Variants in NRG3 observed in about 807,000 individuals in gnomAD.
The protein encoded by NRG3 is neuregulin 3, also known as pro-neuregulin-3, membrane-bound isoform.
Under a neutral mutation model 66.9 loss-of-function variants are expected in NRG3, and 31 were observed. That is an observed-to-expected ratio of 0.46 (90% confidence interval 0.35 to 0.63). The LOEUF is 0.63. NRG3 is among the 20% of genes least tolerant of loss of function. The pLI is 0.00. For missense variants in NRG3, 910 were observed against 878.9 expected, an observed-to-expected ratio of 1.04 and a Z score of -0.45; for synonymous variants, 393 against 359.4, an observed-to-expected ratio of 1.09 and a Z score of -1.06.
chr10:82,056,328 G>C (rs1439254358), intron 1 of NRG3, among the ~76,000 whole-genome samples: 1 of 151,902 alleles, frequency 6.6e-6, no homozygotes, highest in East Asian at 1.9e-4. Flanking sequence ...AAGGATTAGT[G>C]TATTTGAAAA....
At chr10:82,721,505 C>A (rs1337604724) in intron 2 of NRG3, among the ~76,000 whole-genome samples, 4 of 151,898 alleles carry the variant, frequency 2.6e-5, no homozygotes, top group Non-Finnish European at 5.9e-5. Flanking sequence ...TCACTGCAAC[C>A]TCCACCTCCC....
chr10:82,019,939 T>C (rs867180506), intron 1 of NRG3, among the ~76,000 whole-genome samples: 6 of 152,100 alleles, frequency 3.9e-5, no homozygotes, highest in Non-Finnish European at 8.8e-5. Flanking sequence ...CCATTTCCTT[T>C]AGTTCTGCTC....
chr10:82,861,148 C>CTGTG (rs149845022), intron 3 of NRG3, among the ~76,000 whole-genome samples: 14 of 149,402 alleles, frequency 9.4e-5, no homozygotes, highest in African/African-American at 3.2e-4. Flanking sequence ...GTGTGTGTGT[C>CTGTG]TGTGTGTGTG....
chr10:82,558,880 A>AT (rs1393239528), intron 2 of NRG3, among the ~76,000 whole-genome samples: 3 of 151,934 alleles, frequency 2.0e-5, no homozygotes, highest in Non-Finnish European at 4.4e-5. Flanking sequence ...TGTTTTTGTT[A>AT]TTTTCTACAA....
At chr10:82,485,796 C>A (rs1842633090) in intron 2 of NRG3, among the ~76,000 whole-genome samples, 1 of 150,972 alleles carries the variant, frequency 6.6e-6, no homozygotes, top group African/African-American at 2.4e-5. Context: ...GCAGCAAAAG[C>A]AAAAAAAAAT....
At chr10:82,677,645 T>G (rs925680664) in intron 2 of NRG3, among the ~76,000 whole-genome samples, 1 of 152,298 alleles carries the variant, frequency 6.6e-6, no homozygotes, top group East Asian at 1.9e-4. Flanking sequence ...ATTGTATGCA[T>G]CTGCAATACT....
chr10:82,973,991 G>A (rs1852012664), intron 7 of NRG3, 76 bp downstream of exon 7: 16 of 1,544,364 alleles, frequency 1.0e-5, no homozygotes, highest in Non-Finnish European at 1.4e-5. Context: ...CCAAGGACTG[G>A]CAGCATGACT....
chr10:82,656,845 G>A (rs1045986308), intron 2 of NRG3, among the ~76,000 whole-genome samples: 4 of 152,018 alleles, frequency 2.6e-5, no homozygotes, highest in African/African-American at 9.7e-5. Flanking sequence ...GAAAATAAAA[G>A]ATCTCTTTAA....
At chr10:82,848,209 G>T (rs115679284) in intron 3 of NRG3, among the ~76,000 whole-genome samples, 115 of 152,262 alleles carry the variant, frequency 7.6e-4, no homozygotes, top group South Asian at 5.0e-3. Context: ...ACACAAACAC[G>T]TCCTTGTGGC....
intron 3 of NRG3, among the ~76,000 whole-genome samples, chr10:82,759,824 C>T (rs1294136615): frequency 6.6e-6 from 1 of 152,008 alleles, no homozygotes; most frequent in Non-Finnish European, 1.5e-5. Flanking sequence ...AATTGAAATC[C>T]ATTATAATAA....
intron 2 of NRG3, among the ~76,000 whole-genome samples, chr10:82,646,880 A>G (rs546765689): frequency 4.6e-5 from 7 of 151,968 alleles, no homozygotes; most frequent in African/African-American, 9.7e-5. Flanking sequence ...CAAGGTGCCC[A>G]CCAAATTTAG....
At chr10:82,459,715 TA>T (rs2091430463) in intron 2 of NRG3, among the ~76,000 whole-genome samples, 1 of 152,176 alleles carries the variant, frequency 6.6e-6, no homozygotes, top group Non-Finnish European at 1.5e-5. Flanking sequence ...AATATTCACC[TA>T]AAAATAACAA....
chr10:82,803,828 C>A (rs2061158295), intron 3 of NRG3, among the ~76,000 whole-genome samples: 1 of 152,140 alleles, frequency 6.6e-6, no homozygotes, highest in Non-Finnish European at 1.5e-5. Context: ...ATAATTTGAA[C>A]ACACGAAGTA....
At chr10:81,953,113 G>T (rs1020037697) in intron 1 of NRG3, among the ~76,000 whole-genome samples, 1 of 152,058 alleles carries the variant, frequency 6.6e-6, no homozygotes, top group East Asian at 1.9e-4. Flanking sequence ...TGCCTGTACT[G>T]CCAGGTCATT....
intron 2 of NRG3, among the ~76,000 whole-genome samples, chr10:82,529,823 T>TATCA (rs1200135545): frequency 3.3e-5 from 5 of 152,184 alleles, no homozygotes; most frequent in African/African-American, 1.2e-4. Flanking sequence ...GAAGTGTGAC[T>TATCA]ATCAAATAAT....
intron 2 of NRG3, among the ~76,000 whole-genome samples, chr10:82,435,752 T>TGG (rs2090094707): frequency 2.0e-5 from 3 of 150,912 alleles, no homozygotes. Context: ...TGAAATTGTG[T>TGG]GGTTTTGAGT....
intron 2 of NRG3, among the ~76,000 whole-genome samples, chr10:82,711,722 T>C (rs1395062296): frequency 1.3e-5 from 2 of 152,198 alleles, no homozygotes; most frequent in African/African-American, 4.8e-5. Context: ...TCCTCTGTTC[T>C]CTACTATTGG....
rs976705962 is a variant in NRG3, at chr10:82,542,969, G to A, written c.953+184101G>A. On this transcript the variant is annotated intron_variant, in intron 2 of 8. Coordinates refer to ENST00000372141, the MANE Select transcript of NRG3 (RefSeq NM_001010848.4). ...CACAATGGCAAGATCTTGGCACACT[G>A]CAACCTCCACCTCCCGGGTTCAAGC... 5.3e-5 allele frequency among the ~76,000 whole-genome samples: 8 copies of A among 151,184 alleles called. No homozygotes were observed. In the East Asian group the frequency reaches 5.9e-4, roughly 11 times the overall value.
intron 2 of NRG3, among the ~76,000 whole-genome samples, chr10:82,649,124 G>A (rs1472662571): frequency 6.6e-6 from 1 of 152,062 alleles, no homozygotes; most frequent in Non-Finnish European, 1.5e-5. Flanking sequence ...TTCTGGCCAG[G>A]GCAATTAGGC....
Sources: allele counts gnomAD v4.1 joint callset (sites outside exome capture counted in the v4.1 genomes callset), GRCh38; gene constraint gnomAD v4.1.1; transcripts MANE v1.5; gene names NCBI Gene and HGNC (gene_info 2026-07-23, HGNC 2026-07-21).